The following AFF3 variants were observed in gnomAD, a reference collection of about 807,000 sequenced individuals.
AFF3 encodes the protein AF4/FMR2 family member 3.
Under a neutral mutation model 129.7 loss-of-function variants are expected in AFF3, and 32 were observed. The ratio of observed to expected loss-of-function variants is 0.25; its 90% CI spans 0.19 to 0.33. The LOEUF is 0.33. AFF3 is among the 10% of genes least tolerant of loss of function. The pLI is 1.00. For missense variants in AFF3, 1,373 were observed against 1,592.0 expected, an observed-to-expected ratio of 0.86 and a Z score of 2.34; for synonymous variants, 644 against 635.4, an observed-to-expected ratio of 1.01 and a Z score of -0.20.
chr2:99,734,006 T>C (rs544869964), intron 10 of AFF3, among the ~76,000 whole-genome samples: 2 of 152,346 alleles, frequency 1.3e-5, no homozygotes, highest in South Asian at 4.1e-4. Context: ...AATCTATAGA[T>C]ATCTGAAGAG....
rs557614129 is a variant in AFF3 at position 100,105,997 on chromosome 2, C to T, written c.-144-414G>A. 198 of 1,323,978 alleles carry T rather than the reference C, an allele frequency of 1.5e-4. No homozygotes were observed. The South Asian group carries it at 2.4e-3, about 16-fold the overall frequency. 82.0% of individuals were successfully genotyped at this position (1,323,978 alleles called of 1,614,324 possible). A position where few individuals can be genotyped will look rare whatever the true frequency, so the allele number is the denominator to read the frequency against. On this transcript the variant is annotated intron_variant, in intron 2 of 24. Transcript: ENST00000672756. ...AACCCTGGGTGCAAGTGACGGGATC[C>T]CTCCAGCGTCAAGCCGAAGAGTCAT... is the stretch of plus-strand genomic sequence containing the variant.
At chr2:99,731,474 T>C (rs988932550) in intron 10 of AFF3, among the ~76,000 whole-genome samples, 2 of 152,208 alleles carry the variant, frequency 1.3e-5, no homozygotes, top group Non-Finnish European at 2.9e-5. Flanking sequence ...TTTTCTTTCA[T>C]ACCATGTAAA....
intron 24 of AFF3, 42 bp downstream of exon 24, chr2:99,554,269 G>C (rs768745840): frequency 1.2e-6 from 2 of 1,604,792 alleles, no homozygotes; most frequent in South Asian, 1.1e-5. Context: ...GCTTGAACCC[G>C]GGAGGCGGAA....
At chr2:99,758,446 C>T (rs537456877) in intron 8 of AFF3, among the ~76,000 whole-genome samples, 3 of 152,056 alleles carry the variant, frequency 2.0e-5, no homozygotes, top group African/African-American at 4.8e-5. Flanking sequence ...ATTAGCCAGG[C>T]GTGATGGCGC....
chr2:99,852,083 G>C (rs1039561275), intron 7 of AFF3, among the ~76,000 whole-genome samples: 1 of 152,102 alleles, frequency 6.6e-6, no homozygotes, highest in African/African-American at 2.4e-5. Flanking sequence ...TCTGAGCCAA[G>C]CAGGCACCCC....
At chr2:99,765,292 C>A (rs1380469446) in intron 8 of AFF3, among the ~76,000 whole-genome samples, 1 of 152,148 alleles carries the variant, frequency 6.6e-6, no homozygotes, top group African/African-American at 2.4e-5. Flanking sequence ...ACTGTGGAGG[C>A]TGGAAGGAGA....
chr2:100,037,751 T>C (rs1685079106), intron 4 of AFF3, among the ~76,000 whole-genome samples: 1 of 132,944 alleles, frequency 7.5e-6, no homozygotes, highest in Non-Finnish European at 1.6e-5. Flanking sequence ...GTATAATATA[T>C]ATTATTAAAT....
At position 99,818,523 on chromosome 2, in the gene AFF3, T is replaced by G. The variant is rs576541516; in HGVS notation, c.921+18954A>C. Among the ~76,000 whole-genome samples, 7 of 152,320 alleles carry G rather than the reference T, an allele frequency of 4.6e-5. No homozygotes were observed. In the East Asian group the frequency reaches 1.4e-3, roughly 29 times the overall value. Reference sequence around the variant, plus strand: ...TGGAGATTTTCTGAGCCTATCTCTTTGGCAACTCCCACTATTTTAATTCAC... The same window carrying G: ...TGGAGATTTTCTGAGCCTATCTCTTGGGCAACTCCCACTATTTTAATTCAC... On this transcript the variant is annotated intron_variant, in intron 8 of 24. Transcript: ENST00000672756.
intron 2 of AFF3, among the ~76,000 whole-genome samples, chr2:100,127,510 G>A (rs765248089): frequency 2.6e-5 from 4 of 152,216 alleles, no homozygotes; most frequent in Non-Finnish European, 4.4e-5. Flanking sequence ...GTCACTTCCT[G>A]TGGAGTCCCT....
chr2:99,975,355 C>T (rs1559025434), intron 7 of AFF3, among the ~76,000 whole-genome samples: 1 of 152,172 alleles, frequency 6.6e-6, no homozygotes, highest in Non-Finnish European at 1.5e-5. Flanking sequence ...ATCTAACTAT[C>T]TAGACTGAAC....
chr2:99,846,254 C>T (rs961487148), intron 7 of AFF3, among the ~76,000 whole-genome samples: 1 of 152,096 alleles, frequency 6.6e-6, no homozygotes, highest in Non-Finnish European at 1.5e-5. Flanking sequence ...CCCAGCCTCC[C>T]GAGTAGCTGG....
intron 7 of AFF3, among the ~76,000 whole-genome samples, chr2:99,965,962 T>C (rs1041380261): frequency 2.0e-5 from 3 of 152,230 alleles, no homozygotes; most frequent in Non-Finnish European, 4.4e-5. Context: ...AGAAATATAC[T>C]ATACATGAGA....
At chr2:99,966,689 C>CAAAAAAAAAAAAAAAAAAAA (rs61351679) in intron 7 of AFF3, among the ~76,000 whole-genome samples, 1 of 36,684 alleles carries the variant, frequency 2.7e-5, no homozygotes, top group Non-Finnish European at 5.4e-5. Flanking sequence ...GACTCCGTCT[C>CAAAAAAAAAAAAAAAAAAAA]AAAAAAAAAA....
intron 4 of AFF3, among the ~76,000 whole-genome samples, chr2:100,029,572 T>A (rs73966404): frequency 6.6e-5 from 10 of 152,238 alleles, no homozygotes; most frequent in African/African-American, 2.4e-4. Context: ...AAGAGATAAA[T>A]GCTGTGTGAT....
At chr2:100,000,306 G>GA (rs1396433943) in intron 7 of AFF3, among the ~76,000 whole-genome samples, 3 of 151,944 alleles carry the variant, frequency 2.0e-5, no homozygotes, top group African/African-American at 7.3e-5. Flanking sequence ...TAATAGCTCA[G>GA]AAAAAACAAA....
chr2:99,690,055 C>T (rs1381668792), intron 11 of AFF3, among the ~76,000 whole-genome samples: 1 of 150,508 alleles, frequency 6.6e-6, no homozygotes, highest in African/African-American at 2.4e-5. Context: ...CGACTGCACT[C>T]CAGCCTGGGT....
At chr2:99,727,029 G>C (rs1440682707) in intron 11 of AFF3, 48 bp downstream of exon 11, 1 of 1,491,178 alleles carries the variant, frequency 6.7e-7, no homozygotes, top group Non-Finnish European at 9.2e-7. Flanking sequence ...CATTTTATGA[G>C]GCATATTTAA....
chr2:100,083,650 G>A (rs1317172778), intron 4 of AFF3, among the ~76,000 whole-genome samples: 2 of 152,310 alleles, frequency 1.3e-5, no homozygotes, highest in South Asian at 2.1e-4. Flanking sequence ...TCACGGAAGC[G>A]GGGTCACGGC....
At chr2:99,646,560 A>G (rs1347377119) in intron 13 of AFF3, among the ~76,000 whole-genome samples, 2 of 152,198 alleles carry the variant, frequency 1.3e-5, no homozygotes, top group African/African-American at 4.8e-5. Flanking sequence ...TAATAGGTTA[A>G]TACCAGGCTC....
Sources: allele counts gnomAD v4.1 joint callset (sites outside exome capture counted in the v4.1 genomes callset), GRCh38; gene constraint gnomAD v4.1.1; transcripts MANE v1.5; gene names NCBI Gene and HGNC (gene_info 2026-07-23, HGNC 2026-07-21).